The following ZDHHC20 variants were observed in gnomAD, a reference collection of about 807,000 sequenced individuals.
ZDHHC20 encodes the protein palmitoyltransferase ZDHHC20.
Under a neutral mutation model 57.8 loss-of-function variants are expected in ZDHHC20, and 43 were observed. The observed-to-expected ratio is 0.74, with a 90% CI of 0.58 to 0.96. ZDHHC20 has a LOEUF of 0.96. Among genes scored for constraint, ZDHHC20 ranks in the 40% least tolerant of loss-of-function variants. The pLI, the probability that ZDHHC20 is intolerant of heterozygous loss-of-function variation, is 0.00. For synonymous variants in ZDHHC20, 157 were observed against 153.0 expected, an observed-to-expected ratio of 1.03 and a Z score of -0.19; for missense variants, 391 against 441.1, an observed-to-expected ratio of 0.89 and a Z score of 1.02.
intron 4 of ZDHHC20, among the ~76,000 whole-genome samples, chr13:21,406,549 G>A (rs774118297): frequency 1.6e-5 from 2 of 123,182 alleles, no homozygotes; most frequent in African/African-American, 3.2e-5. Context: ...TCCACCCCCC[G>A]ACAGGCCCCA....
At chr13:21,437,973 G>C (rs941569650) in intron 1 of ZDHHC20, among the ~76,000 whole-genome samples, 2 of 152,222 alleles carry the variant, frequency 1.3e-5, no homozygotes, top group African/African-American at 4.8e-5. Flanking sequence ...TTACAGGCGT[G>C]AGCCACCGCA....
intron 9 of ZDHHC20, among the ~76,000 whole-genome samples, chr13:21,385,440 A>T (rs1376358216): frequency 1.3e-5 from 2 of 152,168 alleles, no homozygotes; most frequent in Non-Finnish European, 2.9e-5. Context: ...AAATAAATAA[A>T]TAAATATTTT....
chr13:21,376,476 G>A lies in ZDHHC20; in HGVS notation c.*220C>T. ...GCTCTAAGTCAATGCTGCACAAATG[G>A]ACACTTAAGATTAAGGCATCATTCT... On this transcript the variant is annotated 3_prime_UTR_variant, in exon 13 of 13. Transcript: ENST00000400590. 2.6e-6 allele frequency: 1 copy of A among 387,264 alleles called. No homozygotes were observed. The allele number at this position is 387,264 out of a possible 1,614,324, so 24.0% of individuals were successfully genotyped here. A position where few individuals can be genotyped will look rare whatever the true frequency, so the allele number is the denominator to read the frequency against.
Position 21,375,242 on chromosome 13 carries a change from C to T in ZDHHC20, c.*1454G>A. On this transcript the variant is annotated 3_prime_UTR_variant, in exon 13 of 13. Transcript: ENST00000400590. ...CAACTTATTCACAACACCCCCTCCC[C>T]TGCAGTCCCATTTTACAGACAGGAA... 2.2e-6 allele frequency: 1 copy of T among 449,032 alleles called. No individual in the cohort carries two copies. The allele number at this position is 449,032 out of a possible 1,614,324, so 27.8% of individuals were successfully genotyped here. A position where few individuals can be genotyped will look rare whatever the true frequency, so the allele number is the denominator to read the frequency against.
At chr13:21,403,273 G>T (rs1182873434) in intron 4 of ZDHHC20, among the ~76,000 whole-genome samples, 2 of 146,986 alleles carry the variant, frequency 1.4e-5, no homozygotes, top group African/African-American at 2.5e-5. Context: ...GATTGTTTTT[G>T]AAATTCTGAA....
chr13:21,402,781 TGTGA>T lies in ZDHHC20; in HGVS notation c.440+12_440+15del, dbSNP rs1252944689. 2.1e-5 allele frequency: 34 copies of T among 1,586,684 alleles called. No individual in the cohort carries two copies. Among genetic ancestry groups the T allele is most frequent in the Non-Finnish European group, 2.8e-5 (33 of 1,165,408 alleles). On this transcript the variant is annotated intron_variant, in intron 5 of 12. Transcript: ENST00000400590. ...TCCAGTGCTAGATATTAAGCATATGTGTGAGTAACACTTACGAGTCACAGGCTGA... is the reference window on the plus strand; with the variant it reads ...TCCAGTGCTAGATATTAAGCATATGTGTAACACTTACGAGTCACAGGCTGA...
chr13:21,421,233 C>A, intron 2 of ZDHHC20, 69 bp from the exon 3 acceptor site: 2 of 1,264,846 alleles, frequency 1.6e-6, no homozygotes, highest in South Asian at 2.6e-5. Context: ...TACATTAAAA[C>A]ACAATAATTG....
chr13:21,414,911 G>C (rs1879767110), intron 3 of ZDHHC20, among the ~76,000 whole-genome samples: 1 of 151,672 alleles, frequency 6.6e-6, no homozygotes, highest in Non-Finnish European at 1.5e-5. Flanking sequence ...ACTAAGAATG[G>C]CTTGAGATTT....
chr13:21,413,366 A>G (rs190901713), intron 4 of ZDHHC20, among the ~76,000 whole-genome samples: 2 of 152,306 alleles, frequency 1.3e-5, no homozygotes, highest in Non-Finnish European at 2.9e-5. Flanking sequence ...TACTAAGAAT[A>G]ATAATTAAAA....
At chr13:21,380,579 G>A (rs1370020247) in intron 11 of ZDHHC20, among the ~76,000 whole-genome samples, 2 of 151,568 alleles carry the variant, frequency 1.3e-5, no homozygotes, top group Non-Finnish European at 2.9e-5. Flanking sequence ...GGATCACAAG[G>A]TCAGGAGATC....
At chr13:21,454,956 TG>T (rs143473473) in intron 1 of ZDHHC20, among the ~76,000 whole-genome samples, 2,709 of 152,308 alleles carry the variant, frequency 0.018, 73 homozygotes, top group African/African-American at 0.062. Flanking sequence ...AGTCTCGCTC[TG>T]TCGCCCAGGC....
chr13:21,395,501 T>C (rs561563131), intron 7 of ZDHHC20, among the ~76,000 whole-genome samples: 208 of 147,150 alleles, frequency 1.4e-3, no homozygotes, highest in African/African-American at 4.2e-3. Flanking sequence ...CTTTTCTTTT[T>C]TTTTTTTTTT....
At chr13:21,402,672 AAAT>A in intron 5 of ZDHHC20, 122 bp downstream of exon 5, 1 of 761,718 alleles carries the variant, frequency 1.3e-6, no homozygotes, top group African/African-American at 1.7e-5. Flanking sequence ...TATGCACAGC[AAAT>A]AATGGGAGAG....
intron 8 of ZDHHC20, 137 bp downstream of exon 8, chr13:21,391,585 T>G (rs1875722106): frequency 1.7e-6 from 1 of 577,482 alleles, no homozygotes; most frequent in Non-Finnish European, 2.8e-6. Context: ...TAGCTGGGAT[T>G]ATTAGGCACG....
In ZDHHC20 at chr13:21,374,258, C is replaced by T. The variant is rs1441485428; in HGVS notation, c.*2438G>A. ...TATATATTTTTGAGATGGAGTTTCA[C>T]TCGTCGCCCAGGCTGGAGTGCAGTG... On this transcript the variant is annotated 3_prime_UTR_variant, in exon 13 of 13. Coordinates refer to ENST00000400590, the MANE Select transcript of ZDHHC20 (RefSeq NM_001330059.2). 1 of 276,696 alleles carries T rather than the reference C, an allele frequency of 3.6e-6. No individual in the cohort carries two copies. The highest frequency in any genetic ancestry group is 2.2e-5 in the African/African-American group (1 of 46,000). The allele number at this position is 276,696 out of a possible 1,614,324, so 17.1% of individuals were successfully genotyped here.
chr13:21,440,629 AGTGTGTGTGT>A, intron 1 of ZDHHC20, among the ~76,000 whole-genome samples: 1 of 115,578 alleles, frequency 8.7e-6, no homozygotes, highest in South Asian at 2.4e-4. Flanking sequence ...ACAAACAAAA[AGTGTGTGTGT>A]GTGTGTGTGT....
chr13:21,403,724 G>A (rs972502903), intron 4 of ZDHHC20, among the ~76,000 whole-genome samples: 1 of 152,100 alleles, frequency 6.6e-6, no homozygotes, highest in Non-Finnish European at 1.5e-5. Flanking sequence ...GTGTCGCTCC[G>A]TCGCCCAGGC....
At chr13:21,422,263 A>G (rs988317549) in intron 2 of ZDHHC20, among the ~76,000 whole-genome samples, 183 of 144,030 alleles carry the variant, frequency 1.3e-3, no homozygotes, top group Non-Finnish European at 2.0e-3. Flanking sequence ...GTCTGCGCTG[A>G]AAAAAAAAAA....
chr13:21,429,480 T>C (rs778958167), intron 1 of ZDHHC20, among the ~76,000 whole-genome samples: 1 of 152,188 alleles, frequency 6.6e-6, no homozygotes, highest in Non-Finnish European at 1.5e-5. Flanking sequence ...TCTGCTGTTA[T>C]TCTGTTTTTC....
Sources: gnomAD v4.1 joint callset for allele counts (sites outside exome capture counted in the v4.1 genomes callset) on GRCh38, gnomAD v4.1.1 for gene constraint, MANE v1.5 for transcripts, NCBI Gene and HGNC (gene_info 2026-07-23, HGNC 2026-07-21) for gene names.